The following ZNF490 variants were observed in gnomAD, a reference collection of about 807,000 sequenced individuals.
The protein encoded by ZNF490 is zinc finger protein 490.
ZNF490 carries 11 observed loss-of-function variants against 17.7 expected under a neutral mutation model. That is an observed-to-expected ratio of 0.62 (90% CI 0.39 to 1.03). ZNF490 has a LOEUF of 1.03. Ranked by LOEUF, ZNF490 falls within the 50% of genes least tolerant of loss-of-function variation. The pLI is 0.00. For missense variants in ZNF490, 542 were observed against 643.4 expected, an observed-to-expected ratio of 0.84 and a Z score of 1.71; for synonymous variants, 222 against 216.1, an observed-to-expected ratio of 1.03 and a Z score of -0.24.
intron 2 of ZNF490, among the ~76,000 whole-genome samples, chr19:12,602,606 GC>G (rs2023020683): frequency 6.6e-6 from 1 of 151,758 alleles, no homozygotes; most frequent in East Asian, 1.9e-4. Flanking sequence ...ACACAGTGCA[GC>G]CCATCATGTA....
At chr19:12,607,006 G>A (rs948510513) in intron 2 of ZNF490, among the ~76,000 whole-genome samples, 1 of 151,982 alleles carries the variant, frequency 6.6e-6, no homozygotes, top group African/African-American at 2.4e-5. Context: ...AGTTAAGTAT[G>A]GAGAGCACAA....
At position 12,579,624 on chromosome 19, in the gene ZNF490, A is replaced by G. The variant is rs1367852665; in HGVS notation, c.*861T>C. 6.6e-6 allele frequency: 1 copy of G among 152,104 alleles called. No homozygotes were observed. The highest frequency in any genetic ancestry group is 2.4e-5 in the African/African-American group (1 of 41,418). 9.4% of individuals were successfully genotyped at this position (152,104 alleles called of 1,614,324 possible). A position where few individuals can be genotyped will look rare whatever the true frequency, so the allele number is the denominator to read the frequency against. On this transcript the variant is annotated 3_prime_UTR_variant, in exon 5 of 5. Coordinates refer to ENST00000311437, the MANE Select transcript of ZNF490 (RefSeq NM_020714.3). ...TCAAGAGTTTAAGATCAGCCTGGTC[A>G]ACATGGTGAAACACTGTCTCTACTA...
rs2022810906 is a variant in ZNF490, at chr19:12,586,863, G to C, written c.163-3307C>G. Among the ~76,000 whole-genome samples the C allele has an allele frequency of 2.2e-5, 2 of 92,398 alleles. 1 individual carries two copies. The highest frequency in any genetic ancestry group is 5.8e-5 in the Non-Finnish European group (2 of 34,496). The allele number at this position is 92,398 out of a possible 152,430, so 60.6% of individuals were successfully genotyped here. A position where few individuals can be genotyped will look rare whatever the true frequency, so the allele number is the denominator to read the frequency against. Reference sequence around the variant, plus strand: ...AGGCAGGAGGACCTCTTGAGGTCAGGAGTTCAAGACCAGCCTGACCAACAT... The same window carrying C: ...AGGCAGGAGGACCTCTTGAGGTCAGCAGTTCAAGACCAGCCTGACCAACAT... On this transcript the variant is annotated intron_variant, in intron 2 of 4. Coordinates refer to ENST00000311437, the MANE Select transcript of ZNF490 (RefSeq NM_020714.3).
At chr19:12,600,370 A>G (rs966181972) in intron 2 of ZNF490, among the ~76,000 whole-genome samples, 3 of 152,152 alleles carry the variant, frequency 2.0e-5, no homozygotes, top group South Asian at 4.1e-4. Flanking sequence ...TGTCTCAAAA[A>G]AAAAAAGAAA....
At chr19:12,587,816 C>G (rs2022819865) in intron 2 of ZNF490, among the ~76,000 whole-genome samples, 1 of 92,086 alleles carries the variant, frequency 1.1e-5, no homozygotes, top group East Asian at 2.1e-4. Context: ...CTGCCTCAGT[C>G]TCCTGAGTAG....
At chr19:12,588,285 C>T (rs2022825886) in intron 2 of ZNF490, among the ~76,000 whole-genome samples, 1 of 152,156 alleles carries the variant, frequency 6.6e-6, no homozygotes, top group Non-Finnish European at 1.5e-5. Flanking sequence ...GCATGAACCA[C>T]CATGCCCGGC....
At chr19:12,598,594 G>T (rs940078730) in intron 2 of ZNF490, among the ~76,000 whole-genome samples, 2 of 151,302 alleles carry the variant, frequency 1.3e-5, no homozygotes, top group African/African-American at 4.8e-5. Flanking sequence ...GGCTGGTCTC[G>T]AACTCCCAAC....
chr19:12,603,160 A>G (rs1399879572), intron 2 of ZNF490, among the ~76,000 whole-genome samples: 1 of 152,154 alleles, frequency 6.6e-6, no homozygotes, highest in Non-Finnish European at 1.5e-5. Flanking sequence ...CACAGTTGCT[A>G]AAAACCTTGT....
chr19:12,605,017 G>C (rs1303543393), intron 2 of ZNF490, among the ~76,000 whole-genome samples: 2 of 151,888 alleles, frequency 1.3e-5, no homozygotes, highest in African/African-American at 4.8e-5. Flanking sequence ...GCTGGGCGTG[G>C]TGGAGGATGC....
At position 12,584,106 on chromosome 19, in the gene ZNF490, T is replaced by A. The variant is rs368259904; in HGVS notation, c.163-550A>T. On this transcript the variant is annotated intron_variant, in intron 2 of 4. Transcript: ENST00000311437. Reference sequence around the variant, plus strand: ...ATTACAGGCGTGAGCCACCGCACCCTGCCATTATTTCTATATTTTAACTGT... The same window carrying A: ...ATTACAGGCGTGAGCCACCGCACCCAGCCATTATTTCTATATTTTAACTGT... Among the ~76,000 whole-genome samples the A allele has an allele frequency of 2.3e-4, 10 of 44,082 alleles. 2 individuals carry two copies. In the South Asian group the frequency reaches 5.2e-3, roughly 23 times the overall value. 28.9% of individuals were successfully genotyped at this position (44,082 alleles called of 152,430 possible).
At position 12,610,583 on chromosome 19, in the gene ZNF490, C is replaced by G. The variant is rs775934792; in HGVS notation, c.98G>C (p.Gly33Ala). 1 of 1,614,062 alleles carries G rather than the reference C, an allele frequency of 6.2e-7. No homozygotes were observed. ...WSSSQGRTGT[G>A]GSDVLQMQNS... is the part of the protein sequence containing the mutation. ...TGGTACCTGGAGGACATCAGACCCT[C>G]CTGTTCCTGTGCGGCCTTGACTAGA... The change falls in exon 1 of 5, where the codon GGA becomes GCA. Residue 33 changes from glycine (G) to alanine (A), a missense_variant. By Grantham distance (60) the Gly-to-Ala change is moderately conservative. Transcript: ENST00000311437.
chr19:12,586,024 G>A lies in ZNF490; in HGVS notation c.163-2468C>T, dbSNP rs373654526. Among the ~76,000 whole-genome samples the A allele has an allele frequency of 6.8e-4, 63 of 92,934 alleles. 20 individuals carry two copies. In the South Asian group the frequency reaches 0.018, roughly 26 times the overall value. The allele number at this position is 92,934 out of a possible 152,430, so 61.0% of individuals were successfully genotyped here. On this transcript the variant is annotated intron_variant, in intron 2 of 4. Transcript: ENST00000311437. ...TGTTTTAAAACAGTAGAACAGGCCA[G>A]GTGTGGTGGCTCACGACTGTAATCC...
Position 12,578,478 on chromosome 19 carries a change from T to C in ZNF490, c.*2007A>G. The C allele has an allele frequency of 1.0e-6, 1 of 985,358 alleles. No homozygotes were observed. The highest frequency in any genetic ancestry group is 4.7e-5 in the South Asian group (1 of 21,282). The allele number at this position is 985,358 out of a possible 1,614,324, so 61.0% of individuals were successfully genotyped here. A position where few individuals can be genotyped will look rare whatever the true frequency, so the allele number is the denominator to read the frequency against. ...GCCACCTGCGGTTGCCACAGAGAAA[T>C]TCAGATGTGAATGTTTAAACAAGTG... On this transcript the variant is annotated 3_prime_UTR_variant, in exon 5 of 5. Coordinates refer to ENST00000311437, the MANE Select transcript of ZNF490 (RefSeq NM_020714.3).
intron 2 of ZNF490, among the ~76,000 whole-genome samples, chr19:12,587,250 T>G (rs2022815318): frequency 1.2e-5 from 1 of 84,834 alleles, no homozygotes; most frequent in South Asian, 3.3e-4. Flanking sequence ...GACTCTCACC[T>G]CAGCCTCTGA....
Position 12,576,631 on chromosome 19 carries a change from T to C in ZNF490, c.*3854A>G, listed in dbSNP as rs532169942. 8.6e-5 allele frequency among the ~76,000 whole-genome samples: 13 copies of C among 150,906 alleles called. No individual in the cohort carries two copies. In the South Asian group the frequency reaches 2.1e-3, roughly 24 times the overall value. On this transcript the variant is annotated 3_prime_UTR_variant, in exon 5 of 5. Transcript: ENST00000311437. Reference sequence around the variant, plus strand: ...GAGATTGAGACCATCCTGGTCAACATGGTGAAACCCCATCTCTACTAAAAA... The same window carrying C: ...GAGATTGAGACCATCCTGGTCAACACGGTGAAACCCCATCTCTACTAAAAA...
At chr19:12,604,908 C>T (rs1036579617) in intron 2 of ZNF490, among the ~76,000 whole-genome samples, 4 of 152,010 alleles carry the variant, frequency 2.6e-5, no homozygotes, top group Non-Finnish European at 4.4e-5. Flanking sequence ...AATGCCAGCA[C>T]TTTGGGAGGC....
In ZNF490 at chr19:12,578,821, G is replaced by A. The variant is rs1255326467; in HGVS notation, c.*1664C>T. On this transcript the variant is annotated 3_prime_UTR_variant, in exon 5 of 5. Transcript: ENST00000311437. ...CTGGATGCCACAAAAGGCCTGCTGGGGCCCAAGTCCTTCTTCCCCATTCCT... is the reference window on the plus strand; with the variant it reads ...CTGGATGCCACAAAAGGCCTGCTGGAGCCCAAGTCCTTCTTCCCCATTCCT... 1.6e-5 allele frequency: 16 copies of A among 985,324 alleles called. No individual in the cohort carries two copies. Among genetic ancestry groups the A allele is most frequent in the Non-Finnish European group, 1.9e-5 (16 of 829,980 alleles). The allele number at this position is 985,324 out of a possible 1,614,324, so 61.0% of individuals were successfully genotyped here.
At position 12,581,371 on chromosome 19, in the gene ZNF490, A is replaced by G; in HGVS notation, c.704T>C (p.Phe235Ser). 1 of 1,613,478 alleles carries G rather than the reference A, an allele frequency of 6.2e-7. No individual in the cohort carries two copies. Among genetic ancestry groups the G allele is most frequent in the Non-Finnish European group, 8.5e-7 (1 of 1,179,842 alleles). The change falls in exon 5 of 5, where the codon TTT becomes TCT. Residue 235 changes from phenylalanine to serine, a missense_variant. Transcript: ENST00000311437. Reference sequence around the variant, plus strand: ...AATTCTTATATGGTTTCGAAAGGAAAAGAGAAATGCGAAGGCTTTGCCACA... The same window carrying G: ...AATTCTTATATGGTTTCGAAAGGAAGAGAGAAATGCGAAGGCTTTGCCACA... ...KECGKAFAFL[F>S]SFRNHIRIHT...
rs1461278471 is a variant in ZNF490 at position 12,577,345 on chromosome 19, G to T, written c.*3140C>A. Among the ~76,000 whole-genome samples, 1 of 152,136 alleles carries T rather than the reference G, an allele frequency of 6.6e-6. No individual in the cohort carries two copies. Among genetic ancestry groups the T allele is most frequent in the Admixed American group, 6.6e-5 (1 of 15,262 alleles). On this transcript the variant is annotated 3_prime_UTR_variant, in exon 5 of 5. Transcript: ENST00000311437. ...TAGTTCCCCAATACCTATCACAAAAGATGGCTCCTTGAGCCCATTCTGACA... is the reference window on the plus strand; with the variant it reads ...TAGTTCCCCAATACCTATCACAAAATATGGCTCCTTGAGCCCATTCTGACA...
Sources: gnomAD v4.1 joint callset for allele counts (sites outside exome capture counted in the v4.1 genomes callset) on GRCh38, gnomAD v4.1.1 for gene constraint, MANE v1.5 for transcripts, NCBI Gene and HGNC (gene_info 2026-07-23, HGNC 2026-07-21) for gene names.